The following PAX8 variants were observed in gnomAD, a reference collection of about 807,000 sequenced individuals.
The protein encoded by PAX8 is paired box protein Pax-8.
In PAX8, 15 loss-of-function variants were observed where a neutral mutation model predicts 52.4. The ratio of observed to expected loss-of-function variants is 0.29; its 90% confidence interval spans 0.19 to 0.44. The LOEUF (loss-of-function observed/expected upper bound fraction) is 0.44, where lower values mean the gene tolerates loss of function less well. PAX8 is among the 20% of genes least tolerant of loss of function. The pLI is 1.00. For synonymous variants in PAX8, 284 were observed against 249.7 expected (o/e 1.14, Z -1.29); for missense variants, 554 against 602.5 (o/e 0.92, Z 0.84).
intron 6 of PAX8, 139 bp downstream of exon 6, chr2:113,241,869 T>A: frequency 7.0e-7 from 1 of 1,426,822 alleles, no homozygotes; most frequent in Non-Finnish European, 9.8e-7. Flanking sequence ...CTTGGCCAAC[T>A]GAGGGACAGG....
chr2:113,244,420 C>G lies in PAX8; in HGVS notation c.389+7G>C. On this transcript the variant is annotated splice_region_variant and intron_variant, in intron 4 of 11. Transcript: ENST00000429538. ...AGCCTGACACCAGAGGCTGCTTTCT[C>G]TCTTACCTATTAATGGAGCTGACAC... is the stretch of plus-strand genomic sequence containing the variant. The G allele has an allele frequency of 1.9e-6, 3 of 1,611,244 alleles. No homozygotes were observed. The highest frequency in any genetic ancestry group is 2.7e-5 in the African/African-American group (2 of 75,014).
At chr2:113,249,922 A>G (rs1691629146) in intron 2 of PAX8, among the ~76,000 whole-genome samples, 1 of 151,828 alleles carries the variant, frequency 6.6e-6, no homozygotes, top group African/African-American at 2.4e-5. Flanking sequence ...GTTTTTATCT[A>G]TCGAATGGAG....
chr2:113,234,020 G>A (rs369355703), intron 9 of PAX8, among the ~76,000 whole-genome samples: 2 of 152,218 alleles, frequency 1.3e-5, no homozygotes, highest in South Asian at 2.1e-4. Flanking sequence ...CGGGGTAGGA[G>A]GGTGTGGGAG....
At chr2:113,254,162 G>A (rs575732630) in intron 2 of PAX8, among the ~76,000 whole-genome samples, 1 of 152,214 alleles carries the variant, frequency 6.6e-6, no homozygotes, top group African/African-American at 2.4e-5. Context: ...TCTGTCCCCA[G>A]CATTCAAATA....
At chr2:113,265,640 G>A (rs895415) in intron 2 of PAX8, 59,135 of 151,922 alleles carry the variant, frequency 0.39, 11,759 homozygotes, top group African/African-American at 0.43. Flanking sequence ...TATCTAGACT[G>A]AAGCCTTTGC....
At chr2:113,259,166 T>C (rs1692479756) in intron 2 of PAX8, 1 of 152,618 alleles carries the variant, frequency 6.6e-6, no homozygotes, top group Admixed American at 6.5e-5. Flanking sequence ...ATATCAGCAA[T>C]ATAAGGTATA....
intron 7 of PAX8, chr2:113,239,893 G>A (rs1573452862): frequency 6.6e-6 from 1 of 152,234 alleles, no homozygotes; most frequent in African/African-American, 2.4e-5. Flanking sequence ...CCACACAAAT[G>A]GAGAAACTGG....
Position 113,241,687 on chromosome 2 carries a change from C to T in PAX8, c.641G>A (p.Ser214Asn), listed in dbSNP as rs1441560693. ...GTGCTTTCGGGGTCCGCTGCTGCTG[C>T]TCTGTGAGTCAATGCTTAGTCGGCA... ...DSCRLSIDSQSSSSGPRKHLR... is the reference protein window; with the variant it reads ...DSCRLSIDSQNSSSGPRKHLR... The change falls in exon 7 of 12, where the codon AGC becomes AAC. Residue 214 changes from serine (S) to asparagine (N), a missense_variant. This residue lies in a region of PAX8 where 445 missense variants were observed against 409.9 expected (regional missense o/e 1.09). Transcript: ENST00000429538. 3 of 1,614,156 alleles carry T rather than the reference C, an allele frequency of 1.9e-6. No individual in the cohort carries two copies. The highest frequency in any genetic ancestry group is 1.7e-5 in the Admixed American group (1 of 60,014).
chr2:113,276,484 C>T (rs1189977083), intron 2 of PAX8: 2 of 152,118 alleles, frequency 1.3e-5, no homozygotes, highest in Non-Finnish European at 2.9e-5. Flanking sequence ...CAGAGGGCTC[C>T]CTCCCAAAAC....
chr2:113,254,133 C>T lies in PAX8; in HGVS notation c.26-7214G>A, dbSNP rs112667055. On this transcript the variant is annotated intron_variant, in intron 2 of 11. Coordinates refer to ENST00000429538, the MANE Select transcript of PAX8 (RefSeq NM_003466.4). Reference sequence around the variant, plus strand: ...CCACGTTTTACCTCCTAAATATTTACCTAACCAATACCTTCCTGTCTGTCC... The same window carrying T: ...CCACGTTTTACCTCCTAAATATTTATCTAACCAATACCTTCCTGTCTGTCC... Among the ~76,000 whole-genome samples the T allele has an allele frequency of 9.9e-3, 1,513 of 152,260 alleles. 27 individuals are homozygous for T. The highest frequency in any genetic ancestry group is 0.034 in the African/African-American group (1,417 of 41,530).
At chr2:113,242,444 G>A (rs994996702) in intron 5 of PAX8, among the ~76,000 whole-genome samples, 2 of 152,148 alleles carry the variant, frequency 1.3e-5, no homozygotes, top group African/African-American at 4.8e-5. Context: ...CTCCTGGTGG[G>A]AGGGATTCTT....
At chr2:113,241,325 G>C (rs756438941) in intron 7 of PAX8, 15 of 627,330 alleles carry the variant, frequency 2.4e-5, no homozygotes, top group Non-Finnish European at 4.0e-5. Flanking sequence ...AAAGGCCCAG[G>C]CTCAAAGGTT....
At chr2:113,228,439 T>C (rs1372016881) in intron 9 of PAX8, among the ~76,000 whole-genome samples, 5 of 152,234 alleles carry the variant, frequency 3.3e-5, no homozygotes, top group South Asian at 4.1e-4. Context: ...CTCAGCAACA[T>C]TGGCATGTTA....
At position 113,260,361 on chromosome 2, in the gene PAX8, G is replaced by A. The variant is rs535727227; in HGVS notation, c.26-13442C>T. Among the ~76,000 whole-genome samples the A allele has an allele frequency of 1.8e-3, 271 of 152,286 alleles. 1 individual carries two copies. Among genetic ancestry groups the A allele is most frequent in the African/African-American group, 6.3e-3 (263 of 41,552 alleles). On this transcript the variant is annotated intron_variant, in intron 2 of 11. Coordinates refer to ENST00000429538, the MANE Select transcript of PAX8 (RefSeq NM_003466.4). ...AGTGGGTGTGGGGGTGTGTGCTCAT[G>A]TGTGAGTATGTGTGTGTGTTGGGGA...
At chr2:113,259,279 C>T (rs1045129914) in intron 2 of PAX8, 2 of 152,694 alleles carry the variant, frequency 1.3e-5, no homozygotes, top group African/African-American at 4.8e-5. Flanking sequence ...ATGCTTCCCC[C>T]TCTGTGAATG....
At chr2:113,275,632 CTGCT>C (rs1693748044) in intron 2 of PAX8, 1 of 152,198 alleles carries the variant, frequency 6.6e-6, no homozygotes, top group South Asian at 2.1e-4. Context: ...GACAGCCAGC[CTGCT>C]TGCTTTTACA....
chr2:113,227,198 T>C lies in PAX8; in HGVS notation c.1146A>G (p.Gly382=). The C allele has an allele frequency of 6.2e-7, 1 of 1,609,900 alleles. No homozygotes were observed. The highest frequency in any genetic ancestry group is 8.5e-7 in the Non-Finnish European group (1 of 1,178,538). ...TGGCAGAGGAGGCATAGCTGCCCTG[T>C]CCGCTGGTGGGGATGTGGGGTGGGT... ...PGYPPHIPTS[G]QGSYASSAIA... The change falls in exon 10 of 12, where the codon GGA becomes GGG. Residue 382 remains glycine, a synonymous_variant. Transcript: ENST00000429538.
chr2:113,267,141 G>C (rs1368676546), intron 2 of PAX8: 1 of 152,224 alleles, frequency 6.6e-6, no homozygotes, highest in East Asian at 1.9e-4. Flanking sequence ...TCTGAGCAAG[G>C]ACAGAATGTT....
intron 9 of PAX8, among the ~76,000 whole-genome samples, chr2:113,233,870 GCTT>G (rs1395446614): frequency 2.0e-5 from 3 of 152,088 alleles, no homozygotes; most frequent in Admixed American, 6.5e-5. Flanking sequence ...TCTGTAAAAG[GCTT>G]CATTTCAAGA....
Sources: allele counts gnomAD v4.1 joint callset (sites outside exome capture counted in the v4.1 genomes callset), GRCh38; gene constraint gnomAD v4.1.1; regional missense constraint gnomAD v4.1.1; transcripts MANE v1.5; gene names NCBI Gene and HGNC (gene_info 2026-07-23, HGNC 2026-07-21).